PPFIA2: variants seen among roughly 807,000 people sequenced by gnomAD.
The protein encoded by PPFIA2 is liprin-alpha-2.
PPFIA2 carries 46 observed loss-of-function variants against 175.5 expected under a neutral mutation model. That is an observed-to-expected ratio of 0.26 (90% CI 0.21 to 0.34). The LOEUF (loss-of-function observed/expected upper bound fraction) is 0.34. Among genes scored for constraint, PPFIA2 ranks in the 10% least tolerant of loss-of-function variants. PPFIA2 has a pLI of 1.00. For missense variants in PPFIA2, 1,179 were observed against 1,506.1 expected (o/e 0.78, Z 3.60); for synonymous variants, 568 against 511.4 (o/e 1.11, Z -1.49).
At chr12:81,529,489 T>C (rs2064185264) in intron 4 of PPFIA2, among the ~76,000 whole-genome samples, 1 of 151,710 alleles carries the variant, frequency 6.6e-6, no homozygotes, top group South Asian at 2.1e-4. Context: ...ATAAGCTGTA[T>C]ATTTATTCCA....
At chr12:81,729,694 C>T (rs1012955451) in intron 3 of PPFIA2, among the ~76,000 whole-genome samples, 18 of 151,458 alleles carry the variant, frequency 1.2e-4, no homozygotes, top group African/African-American at 4.3e-4. Flanking sequence ...TCACCTGAGG[C>T]CTTAAAAGTA....
At chr12:81,694,167 G>T (rs1175153438) in intron 3 of PPFIA2, among the ~76,000 whole-genome samples, 1 of 152,148 alleles carries the variant, frequency 6.6e-6, no homozygotes, top group East Asian at 1.9e-4. Flanking sequence ...ATTCAAGGAG[G>T]CTGAAGAGCA....
In PPFIA2 at chr12:81,525,343, T is replaced by C. The variant is rs143959985; in HGVS notation, c.304-67477A>G. ...ACATGTAATGAAGGTCCCAAATCAC[T>C]TGCCTTTGGGTTAATCAAAAGGAAT... On this transcript the variant is annotated intron_variant, in intron 4 of 32. Coordinates refer to ENST00000549396, the MANE Select transcript of PPFIA2 (RefSeq NM_003625.5). 1.4e-3 allele frequency among the ~76,000 whole-genome samples: 215 copies of C among 152,292 alleles called. 2 individuals are homozygous for C. The highest frequency in any genetic ancestry group is 4.3e-3 in the African/African-American group (179 of 41,564).
intron 3 of PPFIA2, among the ~76,000 whole-genome samples, chr12:81,727,225 T>C (rs1419381493): frequency 1.3e-5 from 2 of 151,304 alleles, no homozygotes; most frequent in Non-Finnish European, 1.5e-5. Context: ...CATCACAAGC[T>C]TATTTATATA....
chr12:81,279,994 C>T (rs570776466), intron 27 of PPFIA2, among the ~76,000 whole-genome samples: 1 of 152,246 alleles, frequency 6.6e-6, no homozygotes, highest in Non-Finnish European at 1.5e-5. Context: ...ATCTTAAAAC[C>T]TAAGAAAACT....
chr12:81,703,325 T>C (rs1677004457), intron 3 of PPFIA2, among the ~76,000 whole-genome samples: 1 of 152,064 alleles, frequency 6.6e-6, no homozygotes, highest in African/African-American at 2.4e-5. Context: ...TTTTTTCTCC[T>C]TCTTAGACTT....
chr12:81,662,657 T>C (rs1340656516), intron 4 of PPFIA2, among the ~76,000 whole-genome samples: 1 of 152,222 alleles, frequency 6.6e-6, no homozygotes, highest in Non-Finnish European at 1.5e-5. Flanking sequence ...TCTGAAACTA[T>C]TCCAATCAAT....
rs140302612 is a variant in PPFIA2 at position 81,713,397 on chromosome 12, C to T, written c.250-36553G>A. ...GCTATATACTCTGGAAGAGTATGAT[C>T]TCTAGTTAGATACAAAGTGCTTAAT... On this transcript the variant is annotated intron_variant, in intron 3 of 32. Transcript: ENST00000549396. 6.9e-3 allele frequency among the ~76,000 whole-genome samples: 1,039 copies of T among 151,200 alleles called. 17 individuals are homozygous for T. Among genetic ancestry groups the T allele is most frequent in the Non-Finnish European group, 9.8e-3 (663 of 67,840 alleles).
chr12:81,417,463 C>T (rs947231304), intron 7 of PPFIA2: 6 of 151,002 alleles, frequency 4.0e-5, no homozygotes, highest in Admixed American at 6.6e-5. Flanking sequence ...TAGGGAAAAG[C>T]GTTTCAAAGT....
chr12:81,587,376 C>T (rs1026247163), intron 4 of PPFIA2, among the ~76,000 whole-genome samples: 1 of 151,976 alleles, frequency 6.6e-6, no homozygotes, highest in Non-Finnish European at 1.5e-5. Flanking sequence ...TAAGACGTGC[C>T]TTCTTCCCCT....
chr12:81,650,941 G>A (rs1367972363), intron 4 of PPFIA2, among the ~76,000 whole-genome samples: 1 of 152,130 alleles, frequency 6.6e-6, no homozygotes, highest in African/African-American at 2.4e-5. Context: ...CTACGGAGAG[G>A]GCAAGAGAAG....
chr12:81,378,124 G>T (rs1595813537), intron 9 of PPFIA2: 1 of 152,018 alleles, frequency 6.6e-6, no homozygotes, highest in Non-Finnish European at 1.5e-5. Context: ...CTAGAAGGGG[G>T]GAAGAAGAAA....
At chr12:81,587,088 C>A (rs2075399361) in intron 4 of PPFIA2, among the ~76,000 whole-genome samples, 1 of 151,908 alleles carries the variant, frequency 6.6e-6, no homozygotes, top group African/African-American at 2.4e-5. Context: ...CACACTCTAG[C>A]AAACTGTAGA....
chr12:81,700,147 A>C (rs2076331846), intron 3 of PPFIA2, among the ~76,000 whole-genome samples: 1 of 152,044 alleles, frequency 6.6e-6, no homozygotes, highest in Non-Finnish European at 1.5e-5. Context: ...TTGACCATAT[A>C]TCTTCATACT....
intron 3 of PPFIA2, among the ~76,000 whole-genome samples, chr12:81,723,808 C>T (rs2079670789): frequency 6.6e-6 from 1 of 150,872 alleles, no homozygotes; most frequent in Non-Finnish European, 1.5e-5. Context: ...GATAATTCCC[C>T]TTTAAGTTGC....
chr12:81,720,180 A>G (rs2079136331), intron 3 of PPFIA2, among the ~76,000 whole-genome samples: 1 of 151,502 alleles, frequency 6.6e-6, no homozygotes, highest in East Asian at 1.9e-4. Flanking sequence ...AATTTCAAAT[A>G]AAAGCAACTC....
intron 3 of PPFIA2, among the ~76,000 whole-genome samples, chr12:81,738,949 A>G (rs1291877414): frequency 1.3e-5 from 2 of 151,940 alleles, no homozygotes; most frequent in Non-Finnish European, 2.9e-5. Flanking sequence ...TACTAGTAAT[A>G]AAATCAGATT....
At chr12:81,596,685 C>G (rs368825516) in intron 4 of PPFIA2, among the ~76,000 whole-genome samples, 2 of 152,012 alleles carry the variant, frequency 1.3e-5, no homozygotes, top group African/African-American at 4.8e-5. Context: ...AAAGAGCCAG[C>G]TGCAGGATAT....
intron 7 of PPFIA2, among the ~76,000 whole-genome samples, chr12:81,437,334 A>G (rs1478656340): frequency 6.6e-6 from 1 of 152,084 alleles, no homozygotes; most frequent in Non-Finnish European, 1.5e-5. Context: ...GGTTCACGCC[A>G]TTCTCCTGCC....
Sources: gnomAD v4.1 joint callset for allele counts (sites outside exome capture counted in the v4.1 genomes callset) on GRCh38, gnomAD v4.1.1 for gene constraint, MANE v1.5 for transcripts, NCBI Gene and HGNC (gene_info 2026-07-23, HGNC 2026-07-21) for gene names.